Variants in HS3ST5 observed in about 807,000 individuals in gnomAD.
HS3ST5 encodes the protein heparan sulfate glucosamine 3-O-sulfotransferase 5.
HS3ST5 carries 10 observed loss-of-function variants against 25.4 expected under a neutral mutation model. The observed-to-expected ratio is 0.39, with a 90% CI of 0.24 to 0.67. The LOEUF (loss-of-function observed/expected upper bound fraction) is 0.67. Ranked by LOEUF, HS3ST5 falls within the 30% of genes least tolerant of loss-of-function variation. The pLI is 0.44. For missense variants in HS3ST5, 324 were observed against 420.7 expected (o/e 0.77, Z 2.01); for synonymous variants, 170 against 162.4 (o/e 1.05, Z -0.36).
At chr6:114,279,890 G>A (rs949912638) in intron 1 of HS3ST5, among the ~76,000 whole-genome samples, 3 of 151,958 alleles carry the variant, frequency 2.0e-5, no homozygotes, top group African/African-American at 7.2e-5. Flanking sequence ...GAAACATCAT[G>A]GTGAATCCTG....
At chr6:114,135,998 T>C (rs184810070) in intron 3 of HS3ST5, among the ~76,000 whole-genome samples, 53 of 152,376 alleles carry the variant, frequency 3.5e-4, no homozygotes, top group Admixed American at 3.0e-3. Flanking sequence ...CCTTGTGTTC[T>C]GCTTTATGTC....
intron 2 of HS3ST5, among the ~76,000 whole-genome samples, chr6:114,182,061 G>C (rs1779998469): frequency 6.6e-6 from 1 of 151,966 alleles, no homozygotes; most frequent in African/African-American, 2.4e-5. Flanking sequence ...CATAGTAAAT[G>C]CAAAGCCACT....
intron 1 of HS3ST5, among the ~76,000 whole-genome samples, chr6:114,341,220 GGGGAGAGAGA>G (rs1256468420): frequency 3.0e-5 from 1 of 33,336 alleles, no homozygotes; most frequent in African/African-American, 2.1e-4. Context: ...AGGGAGAGAG[GGGGAGAGAGA>G]GAGAGAGAGA....
intron 1 of HS3ST5, among the ~76,000 whole-genome samples, chr6:114,283,413 AGAC>A (rs1774207874): frequency 6.6e-6 from 1 of 152,026 alleles, no homozygotes; most frequent in Non-Finnish European, 1.5e-5. Flanking sequence ...AATGCTATCA[AGAC>A]TACAAAAATC....
intron 3 of HS3ST5, among the ~76,000 whole-genome samples, chr6:114,148,169 A>G (rs908277395): frequency 2.0e-5 from 3 of 152,226 alleles, no homozygotes; most frequent in Admixed American, 6.5e-5. Flanking sequence ...CCTGACAAAA[A>G]CAAGCAATGG....
At chr6:114,327,978 C>T (rs1164383319) in intron 1 of HS3ST5, among the ~76,000 whole-genome samples, 1 of 152,066 alleles carries the variant, frequency 6.6e-6, no homozygotes, top group Non-Finnish European at 1.5e-5. Flanking sequence ...AGTATAGGCT[C>T]ACACTTAGTA....
intron 3 of HS3ST5, among the ~76,000 whole-genome samples, chr6:114,107,035 C>G (rs1776027128): frequency 6.6e-6 from 1 of 152,070 alleles, no homozygotes; most frequent in East Asian, 1.9e-4. Context: ...GGGAAGCAAA[C>G]ATAGATTCTA....
chr6:114,159,334 C>A (rs1778834389), intron 3 of HS3ST5, among the ~76,000 whole-genome samples: 1 of 152,014 alleles, frequency 6.6e-6, no homozygotes, highest in African/African-American at 2.4e-5. Flanking sequence ...AAACTAGAAT[C>A]AAAGCAGTGA....
intron 1 of HS3ST5, among the ~76,000 whole-genome samples, chr6:114,254,415 G>A (rs1403252776): frequency 6.6e-6 from 1 of 152,240 alleles, no homozygotes. Context: ...GCTAGGCTGA[G>A]GCTATAAAGT....
intron 3 of HS3ST5, among the ~76,000 whole-genome samples, chr6:114,123,206 A>C (rs1776877791): frequency 6.6e-6 from 1 of 151,962 alleles, no homozygotes; most frequent in Non-Finnish European, 1.5e-5. Flanking sequence ...GCCCACCTTG[A>C]CCTCCCAAAG....
intron 3 of HS3ST5, among the ~76,000 whole-genome samples, chr6:114,162,842 T>C (rs748826563): frequency 1.3e-4 from 20 of 152,188 alleles, no homozygotes; most frequent in Non-Finnish European, 2.6e-4. Context: ...AGCCATGAAG[T>C]TGGAGCACTC....
intron 2 of HS3ST5, among the ~76,000 whole-genome samples, chr6:114,194,865 G>T (rs576851434): frequency 6.6e-6 from 1 of 152,160 alleles, no homozygotes. Flanking sequence ...TGTCCTATTT[G>T]TCCCACCCTC....
At chr6:114,205,162 G>A (rs895311175) in intron 2 of HS3ST5, among the ~76,000 whole-genome samples, 1 of 152,078 alleles carries the variant, frequency 6.6e-6, no homozygotes, top group African/African-American at 2.4e-5. Context: ...CACGTTAAGG[G>A]CTCAGTTCCA....
chr6:114,111,763 G>T (rs1776278625), intron 3 of HS3ST5, among the ~76,000 whole-genome samples: 2 of 152,116 alleles, frequency 1.3e-5, no homozygotes, highest in African/African-American at 4.8e-5. Context: ...AGAGGAAAAT[G>T]ACTTGTTACT....
In HS3ST5 at chr6:114,182,269, G is replaced by A. The variant is rs111497382; in HGVS notation, c.-144-13807C>T. ...CAGGTTCCACATTTAGACAATAACG[G>A]AATACTCAAGTAGAAAAAGTAATCA... On this transcript the variant is annotated intron_variant, in intron 2 of 4. Transcript: ENST00000312719. 3.5e-3 allele frequency among the ~76,000 whole-genome samples: 529 copies of A among 152,108 alleles called. 3 individuals carry two copies. The highest frequency in any genetic ancestry group is 0.012 in the African/African-American group (517 of 41,492).
chr6:114,198,690 T>G (rs911609186), intron 2 of HS3ST5, among the ~76,000 whole-genome samples: 1 of 152,200 alleles, frequency 6.6e-6, no homozygotes, highest in Non-Finnish European at 1.5e-5. Context: ...AAGAAATAAT[T>G]GTGCATAGTT....
At chr6:114,340,624 T>C (rs1235505881) in intron 1 of HS3ST5, 2 of 152,208 alleles carry the variant, frequency 1.3e-5, no homozygotes, top group Non-Finnish European at 2.9e-5. Context: ...AGGTAAGTAG[T>C]ATTGTTTTCA....
chr6:114,135,620 G>A (rs889853352), intron 3 of HS3ST5, among the ~76,000 whole-genome samples: 4 of 152,140 alleles, frequency 2.6e-5, no homozygotes, highest in Non-Finnish European at 5.9e-5. Context: ...CCCAGGGCAC[G>A]GTTTCAAGAT....
chr6:114,300,670 TA>T (rs1296386490), intron 1 of HS3ST5, among the ~76,000 whole-genome samples: 6 of 151,686 alleles, frequency 4.0e-5, no homozygotes, highest in African/African-American at 1.5e-4. Flanking sequence ...CCAAGAAAAA[TA>T]AAAACTTATG....
Sources: allele counts gnomAD v4.1 joint callset (sites outside exome capture counted in the v4.1 genomes callset), GRCh38; gene constraint gnomAD v4.1.1; transcripts MANE v1.5; gene names NCBI Gene and HGNC (gene_info 2026-07-23, HGNC 2026-07-21).